Variants in ICA1 observed in about 807,000 individuals in gnomAD.
The protein encoded by ICA1 is 69 kDa islet cell autoantigen.
In ICA1, 40 loss-of-function variants were observed where a neutral mutation model predicts 71.0. That is an observed-to-expected ratio of 0.56 (90% CI 0.44 to 0.73). ICA1 has a LOEUF of 0.73. Among genes scored for constraint, ICA1 ranks in the 30% least tolerant of loss-of-function variants. The pLI is 0.00. For synonymous variants in ICA1, 207 were observed against 209.5 expected, an observed-to-expected ratio of 0.99 and a Z score of 0.10; for missense variants, 578 against 576.5, an observed-to-expected ratio of 1.00 and a Z score of -0.03.
chr7:8,146,886 A>ACGCG (rs1331550743), intron 8 of ICA1, among the ~76,000 whole-genome samples: 1 of 144,266 alleles, frequency 6.9e-6, no homozygotes, highest in African/African-American at 2.7e-5. Flanking sequence ...ACACACGCAC[A>ACGCG]CACACACACA....
In ICA1 at chr7:8,212,565, A is replaced by G. The variant is rs149186963; in HGVS notation, c.579+5740T>C. On this transcript the variant is annotated intron_variant, in intron 6 of 13. Transcript: ENST00000402384. Reference sequence around the variant, plus strand: ...GGGAGACAGAGCAAGACCCTGTCTCAAAACAAACAAAACAAAACGAAAAAC... The same window carrying G: ...GGGAGACAGAGCAAGACCCTGTCTCGAAACAAACAAAACAAAACGAAAAAC... Among the ~76,000 whole-genome samples, 1,397 of 152,316 alleles carry G rather than the reference A, an allele frequency of 9.2e-3. 24 individuals carry two copies. Among genetic ancestry groups the G allele is most frequent in the African/African-American group, 0.031 (1,300 of 41,560 alleles).
chr7:8,188,669 G>A (rs1463749805), intron 6 of ICA1, among the ~76,000 whole-genome samples: 1 of 152,178 alleles, frequency 6.6e-6, no homozygotes, highest in African/African-American at 2.4e-5. Flanking sequence ...AATATTTTGG[G>A]AGGTAAGGAA....
chr7:8,218,753 C>T (rs968346956), intron 5 of ICA1: 24 of 517,274 alleles, frequency 4.6e-5, no homozygotes, highest in African/African-American at 7.7e-5. Flanking sequence ...CACCTCCATC[C>T]GCGTTGTTGG....
intron 6 of ICA1, among the ~76,000 whole-genome samples, chr7:8,200,099 G>A (rs1165327657): frequency 6.6e-6 from 1 of 152,004 alleles, no homozygotes; most frequent in Non-Finnish European, 1.5e-5. Context: ...AATGCTTGAG[G>A]AAATGGATAC....
At chr7:8,259,024 G>C (rs1454248636) in intron 1 of ICA1, among the ~76,000 whole-genome samples, 1 of 152,184 alleles carries the variant, frequency 6.6e-6, no homozygotes, top group African/African-American at 2.4e-5. Context: ...GACAGTCTGT[G>C]GGAGACCCTA....
chr7:8,169,878 G>T (rs963711162), intron 6 of ICA1, among the ~76,000 whole-genome samples: 1 of 134,814 alleles, frequency 7.4e-6, no homozygotes, highest in African/African-American at 2.6e-5. Flanking sequence ...TTTTATGGTT[G>T]TGTGTGTGTG....
chr7:8,142,061 T>G, intron 9 of ICA1: 1 of 1,388,084 alleles, frequency 7.2e-7, no homozygotes, highest in Non-Finnish European at 9.6e-7. Flanking sequence ...AATATCTAGA[T>G]GGGCAGTTAG....
At chr7:8,191,360 A>T (rs1036794410) in intron 6 of ICA1, among the ~76,000 whole-genome samples, 2 of 152,252 alleles carry the variant, frequency 1.3e-5, no homozygotes, top group East Asian at 3.8e-4. Flanking sequence ...TGACTTTGCC[A>T]AGATGCAAAA....
intron 1 of ICA1, among the ~76,000 whole-genome samples, chr7:8,258,288 T>C (rs947182236): frequency 6.6e-6 from 1 of 152,194 alleles, no homozygotes; most frequent in East Asian, 1.9e-4. Flanking sequence ...ATGGCACATA[T>C]ACAACCAATG....
intron 12 of ICA1, among the ~76,000 whole-genome samples, chr7:8,133,531 G>A (rs1470621024): frequency 6.6e-6 from 1 of 152,222 alleles, no homozygotes; most frequent in Non-Finnish European, 1.5e-5. Context: ...TTACAGGCAT[G>A]AGCCCTTTTC....
At chr7:8,142,904 G>A (rs1795699717) in intron 9 of ICA1, among the ~76,000 whole-genome samples, 2 of 152,064 alleles carry the variant, frequency 1.3e-5, no homozygotes, top group Admixed American at 6.6e-5. Flanking sequence ...TCTTCATTCT[G>A]CATCAAAAAA....
rs1472605894 is a variant in ICA1, at chr7:8,130,035, C to CA, written c.1061-1894dup. On this transcript the variant is annotated intron_variant, in intron 12 of 13. Coordinates refer to ENST00000402384, the MANE Select transcript of ICA1 (RefSeq NM_001136020.3). This position sits in a 1 kb window ranked among gnomAD's most constrained non-coding sequence, Gnocchi z 4.2. Reference sequence around the variant, plus strand: ...CATGTCCCTACAAAGGACATGAACTCATCCTTTTTTATGGCTGCATAGTAT... The same window carrying CA: ...CATGTCCCTACAAAGGACATGAACTCAATCCTTTTTTATGGCTGCATAGTAT... Among the ~76,000 whole-genome samples the CA allele has an allele frequency of 6.6e-6, 1 of 152,042 alleles. No individual in the cohort carries two copies. Among genetic ancestry groups the CA allele is most frequent in the Non-Finnish European group, 1.5e-5 (1 of 68,012 alleles).
intron 6 of ICA1, among the ~76,000 whole-genome samples, chr7:8,211,549 T>A (rs969441117): frequency 8.5e-5 from 13 of 152,216 alleles, no homozygotes; most frequent in Non-Finnish European, 1.3e-4. Flanking sequence ...ATGAGTGGTT[T>A]ACATAGTGAG....
Position 8,138,983 on chromosome 7 carries a change from A to G in ICA1, c.1018+2T>C. On this transcript the variant is annotated splice_donor_variant, in intron 11 of 13. Transcript: ENST00000402384. LOFTEE classifies it high-confidence loss of function. ...TGAGTAGTTTTCCTTAATCTAGGTT[A>G]CCTGAGCATGCAGTATGTGTAGAGC... 1 of 1,611,440 alleles carries G rather than the reference A, an allele frequency of 6.2e-7. No homozygotes were observed. Among genetic ancestry groups the G allele is most frequent in the Non-Finnish European group, 8.5e-7 (1 of 1,177,676 alleles).
chr7:8,126,673 GC>G (rs1175474272), intron 13 of ICA1, among the ~76,000 whole-genome samples: 4 of 151,898 alleles, frequency 2.6e-5, no homozygotes, highest in African/African-American at 9.7e-5. Context: ...AGCTTTAAGT[GC>G]CAGATAAACA....
At chr7:8,224,815 T>A (rs544847543) in intron 4 of ICA1, among the ~76,000 whole-genome samples, 2 of 152,350 alleles carry the variant, frequency 1.3e-5, no homozygotes, top group South Asian at 4.1e-4. Context: ...CTTTGACATA[T>A]TTTAAGAGTA....
intron 6 of ICA1, among the ~76,000 whole-genome samples, chr7:8,194,309 G>C (rs980297575): frequency 6.6e-6 from 1 of 152,190 alleles, no homozygotes. Context: ...GTTAATATCA[G>C]TGAAAATGAC....
chr7:8,124,182 G>A (rs999186675), intron 13 of ICA1, among the ~76,000 whole-genome samples: 4 of 148,334 alleles, frequency 2.7e-5, no homozygotes, highest in African/African-American at 5.0e-5. Context: ...GTGCAGTGGC[G>A]GGATCTCGGC....
chr7:8,218,184 G>C, intron 6 of ICA1, 121 bp downstream of exon 6: 1 of 788,630 alleles, frequency 1.3e-6, no homozygotes, highest in Non-Finnish European at 2.1e-6. Flanking sequence ...AAAGACACCA[G>C]CGATGATTAA....
Sources: allele counts gnomAD v4.1 joint callset (sites outside exome capture counted in the v4.1 genomes callset), GRCh38; gene constraint gnomAD v4.1.1; non-coding constraint Gnocchi (gnomAD v3.1); transcripts MANE v1.5; gene names NCBI Gene and HGNC (gene_info 2026-07-23, HGNC 2026-07-21).